Variants in FARS2 observed in about 807,000 individuals in gnomAD.
The protein encoded by FARS2 is phenylalanine--tRNA ligase, mitochondrial.
FARS2 carries 40 observed loss-of-function variants against 46.4 expected under a neutral mutation model. That is an observed-to-expected ratio of 0.86 (90% CI 0.67 to 1.12). The LOEUF is 1.12. Ranked by LOEUF, FARS2 falls within the 50% of genes most tolerant of loss-of-function variation. The probability of loss-of-function intolerance (pLI) is 0.00; values close to 1 mark genes in which losing one functional copy is unlikely to be tolerated. For missense variants in FARS2, 513 were observed against 567.9 expected (o/e 0.90, Z 0.98); for synonymous variants, 234 against 214.9 (o/e 1.09, Z -0.78).
chr6:5,646,456 G>A (rs773556990), intron 6 of FARS2, among the ~76,000 whole-genome samples: 2 of 152,106 alleles, frequency 1.3e-5, no homozygotes, highest in Non-Finnish European at 2.9e-5. Context: ...CAGCATTGCC[G>A]GTCTGTGGTC....
intron 4 of FARS2, among the ~76,000 whole-genome samples, chr6:5,462,748 A>G (rs1765312027): frequency 6.6e-6 from 1 of 152,208 alleles, no homozygotes; most frequent in Non-Finnish European, 1.5e-5. Flanking sequence ...GGTTAGTGTT[A>G]AGTTCTCAAA....
At chr6:5,610,005 C>T (rs931494595) in intron 5 of FARS2, 44 of 1,040,428 alleles carry the variant, frequency 4.2e-5, no homozygotes, top group African/African-American at 1.4e-4. Context: ...CCACCTCCTC[C>T]GCAGTGGCAT....
At chr6:5,728,376 T>C (rs1239774115) in intron 6 of FARS2, among the ~76,000 whole-genome samples, 2 of 152,174 alleles carry the variant, frequency 1.3e-5, no homozygotes, top group East Asian at 3.9e-4. Flanking sequence ...TTTATTGTTT[T>C]TGTTTTTTGT....
intron 1 of FARS2, among the ~76,000 whole-genome samples, chr6:5,340,215 A>G (rs965627385): frequency 3.9e-5 from 6 of 152,224 alleles, no homozygotes; most frequent in Non-Finnish European, 8.8e-5. Flanking sequence ...GGTAGCAACT[A>G]GTCACCTGTG....
intron 6 of FARS2, among the ~76,000 whole-genome samples, chr6:5,620,415 G>A (rs1261840579): frequency 6.6e-6 from 1 of 152,152 alleles, no homozygotes; most frequent in Non-Finnish European, 1.5e-5. Flanking sequence ...ACAGGAGGAG[G>A]TGTTCTAGTG....
chr6:5,431,683 CTG>C (rs747088266), intron 4 of FARS2: 86 of 532,940 alleles, frequency 1.6e-4, no homozygotes, highest in South Asian at 1.1e-3. Context: ...CGCCACCTGA[CTG>C]AGAGAAAATG....
chr6:5,411,163 C>T (rs1276368278), intron 3 of FARS2, among the ~76,000 whole-genome samples: 1 of 152,188 alleles, frequency 6.6e-6, no homozygotes, highest in Non-Finnish European at 1.5e-5. Context: ...CCTGTAGTCC[C>T]AGCTACTTAG....
At chr6:5,507,915 C>T (rs889057076) in intron 4 of FARS2, among the ~76,000 whole-genome samples, 2 of 152,112 alleles carry the variant, frequency 1.3e-5, no homozygotes, top group African/African-American at 4.8e-5. Flanking sequence ...AGCTTATGCC[C>T]CGAGGTAGGA....
intron 6 of FARS2, among the ~76,000 whole-genome samples, chr6:5,719,932 A>G (rs1390772419): frequency 2.0e-5 from 3 of 152,208 alleles, no homozygotes; most frequent in Admixed American, 1.3e-4. Context: ...ACTCTCTATT[A>G]TACCACAGAA....
chr6:5,336,686 T>G (rs1771183911), intron 1 of FARS2, among the ~76,000 whole-genome samples: 1 of 152,126 alleles, frequency 6.6e-6, no homozygotes, highest in Non-Finnish European at 1.5e-5. Flanking sequence ...AAATGTACAA[T>G]TGTTACTGAC....
chr6:5,286,754 A>C (rs1037718797), intron 1 of FARS2, among the ~76,000 whole-genome samples: 1 of 152,248 alleles, frequency 6.6e-6, no homozygotes, highest in Non-Finnish European at 1.5e-5. Context: ...TATATAGAAC[A>C]TGCATAATGT....
At chr6:5,434,809 C>A (rs892128392) in intron 4 of FARS2, among the ~76,000 whole-genome samples, 4 of 152,138 alleles carry the variant, frequency 2.6e-5, no homozygotes, top group Non-Finnish European at 5.9e-5. Flanking sequence ...TTTCTTCATT[C>A]CCTTCTCTTT....
chr6:5,479,469 G>A (rs964457734), intron 4 of FARS2, among the ~76,000 whole-genome samples: 1 of 152,182 alleles, frequency 6.6e-6, no homozygotes, highest in Non-Finnish European at 1.5e-5. Context: ...GAAAACCCAG[G>A]ACAGCAAAGT....
chr6:5,418,729 C>T (rs1259838673), intron 3 of FARS2, among the ~76,000 whole-genome samples: 1 of 152,152 alleles, frequency 6.6e-6, no homozygotes, highest in South Asian at 2.1e-4. Flanking sequence ...CCTGACTTGT[C>T]CAGACTCCCG....
chr6:5,409,710 A>G (rs1251336442), intron 3 of FARS2, among the ~76,000 whole-genome samples: 1 of 152,212 alleles, frequency 6.6e-6, no homozygotes, highest in Non-Finnish European at 1.5e-5. Context: ...ACGCATCAGA[A>G]TCTATCTGGG....
chr6:5,617,369 G>A (rs1775532737), intron 6 of FARS2, among the ~76,000 whole-genome samples: 1 of 152,214 alleles, frequency 6.6e-6, no homozygotes, highest in African/African-American at 2.4e-5. Flanking sequence ...ATGCCAAAGG[G>A]CATGGCTGCC....
rs111370803 is a variant in FARS2, at chr6:5,519,473, G to T, written c.905-25707G>T. On this transcript the variant is annotated intron_variant, in intron 4 of 6. Coordinates refer to ENST00000274680, the MANE Select transcript of FARS2 (RefSeq NM_006567.5). ...CTAGAAGGGGTACCAGTCAAGGGGGGTTTTTTTGTGATAGGAGGGTTTTAA... is the reference window on the plus strand; with the variant it reads ...CTAGAAGGGGTACCAGTCAAGGGGGTTTTTTTTGTGATAGGAGGGTTTTAA... Among the ~76,000 whole-genome samples the T allele has an allele frequency of 9.0e-3, 1,365 of 152,182 alleles. 5 individuals are homozygous for T. The highest frequency in any genetic ancestry group is 0.01 in the African/African-American group (430 of 41,526).
chr6:5,494,712 T>A (rs908138222), intron 4 of FARS2, among the ~76,000 whole-genome samples: 1 of 152,180 alleles, frequency 6.6e-6, no homozygotes, highest in African/African-American at 2.4e-5. Context: ...CATGTCTCCC[T>A]TGCTGTATTG....
At chr6:5,713,608 A>G (rs1759312996) in intron 6 of FARS2, among the ~76,000 whole-genome samples, 1 of 152,268 alleles carries the variant, frequency 6.6e-6, no homozygotes, top group Admixed American at 6.5e-5. Flanking sequence ...ACAGAAATTC[A>G]GGACTCCGGA....
Sources: gnomAD v4.1 joint callset for allele counts (sites outside exome capture counted in the v4.1 genomes callset) on GRCh38, gnomAD v4.1.1 for gene constraint, MANE v1.5 for transcripts, NCBI Gene and HGNC (gene_info 2026-07-23, HGNC 2026-07-21) for gene names.